The following ADAMTS3 variants were observed in gnomAD, a reference collection of about 807,000 sequenced individuals.
The protein encoded by ADAMTS3 is A disintegrin and metalloproteinase with thrombospondin motifs 3.
Under a neutral mutation model 129.0 loss-of-function variants are expected in ADAMTS3, and 73 were observed. The ratio of observed to expected loss-of-function variants is 0.57; its 90% CI spans 0.47 to 0.69. The LOEUF (loss-of-function observed/expected upper bound fraction) is 0.69, where lower values mean the gene tolerates loss of function less well. Ranked by LOEUF, ADAMTS3 falls within the 30% of genes least tolerant of loss-of-function variation. The pLI is 0.00. For synonymous variants in ADAMTS3, 477 were observed against 510.8 expected (o/e 0.93, Z 0.89); for missense variants, 1,457 against 1,514.5 (o/e 0.96, Z 0.63).
At position 72,309,408 on chromosome 4, in the gene ADAMTS3, G is replaced by C; in HGVS notation, c.2168C>G (p.Pro723Arg). The C allele has an allele frequency of 6.2e-7, 1 of 1,611,460 alleles. No homozygotes were observed. Among genetic ancestry groups the C allele is most frequent in the Non-Finnish European group, 8.5e-7 (1 of 1,178,216 alleles). The change falls in exon 15 of 22, where the codon CCC becomes CGC. Residue 723 changes from proline (P) to arginine (R), a missense_variant. Physicochemically the swap from Pro to Arg is moderately radical, Grantham distance 103. Coordinates refer to ENST00000286657, the MANE Select transcript of ADAMTS3 (RefSeq NM_014243.3). ...RTVKGTFTRT[P>R]RKLGYLKMFD... ...AGACCTCATCTTACCAAGCTTCCTG[G>C]GAGTTCTGGTAAATGTCCCCTTCAC...
intron 18 of ADAMTS3, among the ~76,000 whole-genome samples, 186 bp from the exon 19 acceptor site, chr4:72,295,972 T>A (rs1718795989): frequency 6.6e-6 from 1 of 152,080 alleles, no homozygotes; most frequent in Admixed American, 6.6e-5. Context: ...AACTTTTACC[T>A]TTTCAGAGAA....
intron 3 of ADAMTS3, among the ~76,000 whole-genome samples, chr4:72,546,824 C>T (rs2109785650): frequency 6.6e-6 from 1 of 152,098 alleles, no homozygotes; most frequent in Middle Eastern, 3.4e-3. Flanking sequence ...ATCTGGGATT[C>T]TCATCCAGAA....
intron 4 of ADAMTS3, among the ~76,000 whole-genome samples, chr4:72,408,698 C>A (rs1722110660): frequency 1.1e-5 from 1 of 92,498 alleles, no homozygotes. Context: ...ATCATTGTAC[C>A]TGGAAAAAAA....
chr4:72,346,066 A>C (rs1435452499), intron 4 of ADAMTS3, among the ~76,000 whole-genome samples: 1 of 151,944 alleles, frequency 6.6e-6, no homozygotes, highest in African/African-American at 2.4e-5. Flanking sequence ...ATATCCTGCC[A>C]TTCTTGGTGT....
chr4:72,454,613 A>G (rs1166416469), intron 3 of ADAMTS3, among the ~76,000 whole-genome samples: 2 of 151,716 alleles, frequency 1.3e-5, no homozygotes, highest in Non-Finnish European at 2.9e-5. Flanking sequence ...CTTGCCCATT[A>G]TTAGGCCTTC....
chr4:72,354,502 G>A (rs1720525506), intron 4 of ADAMTS3, among the ~76,000 whole-genome samples: 1 of 151,858 alleles, frequency 6.6e-6, no homozygotes, highest in Non-Finnish European at 1.5e-5. Context: ...GTGGTCCTTT[G>A]CAAGATCTTG....
At chr4:72,476,782 A>C (rs1719246172) in intron 3 of ADAMTS3, among the ~76,000 whole-genome samples, 1 of 152,152 alleles carries the variant, frequency 6.6e-6, no homozygotes, top group African/African-American at 2.4e-5. Flanking sequence ...AAAACATAGC[A>C]ATAATATAAT....
chr4:72,307,668 TAATAGTC>T (rs1560466265), intron 15 of ADAMTS3, among the ~76,000 whole-genome samples: 1 of 152,034 alleles, frequency 6.6e-6, no homozygotes, highest in Non-Finnish European at 1.5e-5. Context: ...AATAAACTGT[TAATAGTC>T]AATGAAAGTA....
intron 4 of ADAMTS3, among the ~76,000 whole-genome samples, chr4:72,374,078 A>G (rs1721080529): frequency 6.6e-6 from 1 of 152,146 alleles, no homozygotes; most frequent in South Asian, 2.1e-4. Flanking sequence ...TTTATGAATA[A>G]TATGCTAGAA....
intron 3 of ADAMTS3, among the ~76,000 whole-genome samples, chr4:72,479,598 A>T (rs1035196403): frequency 1.3e-5 from 2 of 152,188 alleles, no homozygotes; most frequent in African/African-American, 4.8e-5. Flanking sequence ...ACCCTAGAAG[A>T]AAACCTAGGC....
At chr4:72,556,846 A>G (rs1205305413) in intron 2 of ADAMTS3, among the ~76,000 whole-genome samples, 1 of 151,754 alleles carries the variant, frequency 6.6e-6, no homozygotes, top group Non-Finnish European at 1.5e-5. Context: ...ACCTCTAACT[A>G]GAGCTATAGA....
chr4:72,359,420 T>C lies in ADAMTS3; in HGVS notation c.662-19727A>G, dbSNP rs530032303. On this transcript the variant is annotated intron_variant, in intron 4 of 21. Transcript: ENST00000286657. ...ATATAGTGTATAGTAATTCAGACTA[T>C]TGTGCTTTTAACTTTTATTAATTAA... Among the ~76,000 whole-genome samples the C allele has an allele frequency of 1.1e-4, 17 of 152,180 alleles. No homozygotes were observed. In the East Asian group the frequency reaches 2.7e-3, roughly 24 times the overall value.
chr4:72,298,387 T>G lies in ADAMTS3; in HGVS notation c.2480A>C (p.His827Pro). 1 of 1,613,020 alleles carries G rather than the reference T, an allele frequency of 6.2e-7. No individual in the cohort carries two copies. The highest frequency in any genetic ancestry group is 8.5e-7 in the Non-Finnish European group (1 of 1,179,206). Residue 827 changes from histidine (H) to proline (P), a missense_variant, in exon 18 of 22, where the codon CAT (histidine) becomes CCT (proline). Coordinates refer to ENST00000286657, the MANE Select transcript of ADAMTS3 (RefSeq NM_014243.3). ...GTTGATTGTAGGTACAGAGTCTTCA[T>G]GGATGATGTACTTATATGTCAGGCT... ...RSSLTYKYII[H>P]EDSVPTINSN... is the part of the protein sequence containing the mutation.
chr4:72,490,669 T>C (rs947111353), intron 3 of ADAMTS3, among the ~76,000 whole-genome samples: 2 of 151,898 alleles, frequency 1.3e-5, no homozygotes, highest in Non-Finnish European at 2.9e-5. Flanking sequence ...ATGCGTGAGT[T>C]TATCCTTATG....
In ADAMTS3 at chr4:72,414,955, C is replaced by T; in HGVS notation, c.521G>A (p.Ser174Asn). 2 of 1,537,186 alleles carry T rather than the reference C, an allele frequency of 1.3e-6. No individual in the cohort carries two copies. The highest frequency in any genetic ancestry group is 1.3e-5 in the South Asian group (1 of 77,732). The change falls in exon 4 of 22, where the codon AGT becomes AAT. Residue 174 changes from serine to asparagine, a missense_variant. Physicochemically the swap from Ser to Asn is conservative, Grantham distance 46 (BLOSUM62 1). Coordinates refer to ENST00000286657, the MANE Select transcript of ADAMTS3 (RefSeq NM_014243.3). ...NCDGLAGMIK[S>N]DNEEYFIEPL... ...TTCAATGAAATACTCTTCATTATCA[C>T]TTTTTATCATTCCAGCCTAGAGAAA...
chr4:72,512,587 A>G (rs546210723), intron 3 of ADAMTS3, among the ~76,000 whole-genome samples: 1 of 152,228 alleles, frequency 6.6e-6, no homozygotes, highest in Non-Finnish European at 1.5e-5. Flanking sequence ...ATATTTTAAC[A>G]TAACTGAAAG....
chr4:72,379,054 G>A (rs1259214865), intron 4 of ADAMTS3, among the ~76,000 whole-genome samples: 1 of 152,036 alleles, frequency 6.6e-6, no homozygotes, highest in East Asian at 1.9e-4. Context: ...CTCTCTTCTA[G>A]GCCAGTTAGA....
chr4:72,568,717 C>CCT lies in ADAMTS3; in HGVS notation c.44_45dup (p.Val16ArgfsTer18). 6.2e-7 allele frequency: 1 copy of CCT among 1,613,886 alleles called. No homozygotes were observed. The highest frequency in any genetic ancestry group is 8.5e-7 in the Non-Finnish European group (1 of 1,179,970). On this transcript the variant is annotated frameshift_variant, in exon 1 of 22. Coordinates refer to ENST00000286657, the MANE Select transcript of ADAMTS3 (RefSeq NM_014243.3). LOFTEE classifies it high-confidence loss of function. Reference sequence around the variant, plus strand: ...ACTTGTCCATCAGCTGAAGTCCTAACCTCTACCAGAGCGGCTGCTATCAAC... The same window carrying CCT: ...ACTTGTCCATCAGCTGAAGTCCTAACCTCTCTACCAGAGCGGCTGCTATCAAC...
rs374979020 is a variant in ADAMTS3, at chr4:72,295,730, G to T, written c.2647C>A (p.Arg883Ser). 1 of 1,612,904 alleles carries T rather than the reference G, an allele frequency of 6.2e-7. No individual in the cohort carries two copies. Among genetic ancestry groups the T allele is most frequent in the Middle Eastern group, 1.7e-4 (1 of 6,050 alleles). ...RRKSDNKMVH[R>S]SFCEANKKPK... ...TTTTTGTTGGCCTCACAGAAGCTGC[G>T]ATGGACCATTTTATTATCACTTTTC... The change falls in exon 19 of 22, where the codon CGC becomes AGC. Residue 883 changes from arginine to serine, a missense_variant. Coordinates refer to ENST00000286657, the MANE Select transcript of ADAMTS3 (RefSeq NM_014243.3).
Sources: allele counts gnomAD v4.1 joint callset (sites outside exome capture counted in the v4.1 genomes callset), GRCh38; gene constraint gnomAD v4.1.1; transcripts MANE v1.5; gene names NCBI Gene and HGNC (gene_info 2026-07-23, HGNC 2026-07-21).